The following FHIT variants were observed in gnomAD, a reference collection of about 807,000 sequenced individuals.
FHIT encodes fragile histidine triad diadenosine triphosphatase.
FHIT carries 19 observed loss-of-function variants against 17.9 expected under a neutral mutation model. The ratio of observed to expected loss-of-function variants is 1.06; its 90% confidence interval spans 0.74 to 1.56. The LOEUF (loss-of-function observed/expected upper bound fraction) is 1.56. Ranked by LOEUF, FHIT falls within the 40% of genes most tolerant of loss-of-function variation. The pLI is 0.00. For missense variants in FHIT, 248 were observed against 189.2 expected (o/e 1.31, Z -1.82); for synonymous variants, 81 against 69.7 (o/e 1.16, Z -0.81).
At chr3:60,557,773 T>G (rs561534764) in intron 4 of FHIT, among the ~76,000 whole-genome samples, 1 of 152,194 alleles carries the variant, frequency 6.6e-6, no homozygotes, top group African/African-American at 2.4e-5. Flanking sequence ...CAATCACTAA[T>G]GAAATGCATA....
At chr3:61,022,899 G>A (rs1043536768) in intron 3 of FHIT, among the ~76,000 whole-genome samples, 1 of 152,106 alleles carries the variant, frequency 6.6e-6, no homozygotes, top group African/African-American at 2.4e-5. Context: ...CACCAAATGA[G>A]CAAAAGCTGG....
At chr3:60,922,436 T>A (rs2044611) in intron 3 of FHIT, among the ~76,000 whole-genome samples, 90,775 of 152,012 alleles carry the variant, frequency 0.6, 27,374 homozygotes, top group East Asian at 0.71. Context: ...ACCTTCACAT[T>A]TGTGCCCCTT....
At chr3:59,758,796 T>C (rs1211549486) in intron 8 of FHIT, among the ~76,000 whole-genome samples, 3 of 152,122 alleles carry the variant, frequency 2.0e-5, no homozygotes, top group African/African-American at 7.2e-5. Context: ...TGTGAAAATA[T>C]GGCATTAACA....
intron 4 of FHIT, among the ~76,000 whole-genome samples, chr3:60,664,447 C>T (rs2040334655): frequency 6.6e-6 from 1 of 151,974 alleles, no homozygotes; most frequent in Non-Finnish European, 1.5e-5. Flanking sequence ...CCCCCTTCTT[C>T]CTCTTCCTCC....
intron 5 of FHIT, among the ~76,000 whole-genome samples, chr3:60,380,550 C>G (rs1700755756): frequency 6.6e-6 from 1 of 152,134 alleles, no homozygotes; most frequent in Non-Finnish European, 1.5e-5. Context: ...ACAGTAACTT[C>G]TGAAGGTTGT....
In FHIT at chr3:60,861,094, TATC is replaced by T. The variant is rs1178196003; in HGVS notation, c.-110-39086_-110-39084del. 2.2e-4 allele frequency among the ~76,000 whole-genome samples: 20 copies of T among 92,820 alleles called. 5 individuals carry two copies. The highest frequency in any genetic ancestry group is 3.6e-4 in the Non-Finnish European group (16 of 44,800). The allele number at this position is 92,820 out of a possible 152,430, so 60.9% of individuals were successfully genotyped here. Reference sequence around the variant, plus strand: ...TATGATGTACGTCATATATATCAGATATCATATATACACATATATCCTATATGT... The same window carrying T: ...TATGATGTACGTCATATATATCAGATATATATACACATATATCCTATATGT... On this transcript the variant is annotated intron_variant, in intron 3 of 9. Coordinates refer to ENST00000492590, the MANE Select transcript of FHIT (RefSeq NM_002012.4).
intron 4 of FHIT, among the ~76,000 whole-genome samples, chr3:60,767,034 G>A (rs1553721626): frequency 6.6e-6 from 1 of 152,112 alleles, no homozygotes; most frequent in Non-Finnish European, 1.5e-5. Flanking sequence ...CTTTACTCCA[G>A]CATTTCCCAC....
chr3:60,467,949 C>T (rs528820603), intron 5 of FHIT, among the ~76,000 whole-genome samples: 57 of 151,996 alleles, frequency 3.8e-4, no homozygotes, highest in African/African-American at 1.3e-3. Flanking sequence ...CTAATAATAA[C>T]TTTACATAAC....
intron 7 of FHIT, among the ~76,000 whole-genome samples, chr3:59,987,933 T>G (rs895419917): frequency 6.6e-6 from 1 of 152,094 alleles, no homozygotes; most frequent in African/African-American, 2.4e-5. Context: ...GAAATATATT[T>G]TGAAAAGGGG....
intron 4 of FHIT, among the ~76,000 whole-genome samples, chr3:60,652,147 T>C (rs927053079): frequency 1.3e-5 from 2 of 152,134 alleles, no homozygotes; most frequent in East Asian, 1.9e-4. Context: ...ATGGAAGAGA[T>C]TGGTGGGGCT....
At chr3:59,965,048 G>A (rs1213567001) in intron 7 of FHIT, among the ~76,000 whole-genome samples, 1 of 152,046 alleles carries the variant, frequency 6.6e-6, no homozygotes, top group African/African-American at 2.4e-5. Context: ...AAACACTTGT[G>A]GCCCTCTGCT....
intron 4 of FHIT, among the ~76,000 whole-genome samples, chr3:60,654,698 T>C (rs939144566): frequency 9.2e-5 from 14 of 152,302 alleles, no homozygotes; most frequent in African/African-American, 3.4e-4. Flanking sequence ...CACAATGTCT[T>C]TGAGTATCAC....
intron 3 of FHIT, among the ~76,000 whole-genome samples, chr3:60,856,093 T>C (rs886486868): frequency 6.6e-6 from 1 of 152,236 alleles, no homozygotes; most frequent in Middle Eastern, 3.4e-3. Context: ...AACATGTTAT[T>C]TAGCAAAGAA....
chr3:60,024,856 A>G (rs1700681102), intron 5 of FHIT, among the ~76,000 whole-genome samples: 1 of 152,186 alleles, frequency 6.6e-6, no homozygotes, highest in African/African-American at 2.4e-5. Context: ...AAGCCACTGA[A>G]GCATTTCGGA....
At chr3:60,917,847 A>C (rs1345252413) in intron 3 of FHIT, among the ~76,000 whole-genome samples, 2 of 152,212 alleles carry the variant, frequency 1.3e-5, no homozygotes, top group African/African-American at 4.8e-5. Context: ...CCCTACTAGA[A>C]TGTAACTTCA....
In FHIT at chr3:61,186,549, G is replaced by T. The variant is rs554072695; in HGVS notation, c.-164+14068C>A. Among the ~76,000 whole-genome samples the T allele has an allele frequency of 9.8e-5, 15 of 152,332 alleles. No homozygotes were observed. The East Asian group carries it at 2.9e-3, about 29-fold the overall frequency. ...AGTCTGCAGACAGAAGAGGTGAGAG[G>T]CTATGAGGATCCTGAGACAGTCTCC... On this transcript the variant is annotated intron_variant, in intron 2 of 9. Coordinates refer to ENST00000492590, the MANE Select transcript of FHIT (RefSeq NM_002012.4).
chr3:59,892,610 T>C (rs561011895), intron 8 of FHIT, among the ~76,000 whole-genome samples: 1 of 152,128 alleles, frequency 6.6e-6, no homozygotes, highest in Non-Finnish European at 1.5e-5. Context: ...GATTACAAAG[T>C]AGTATTCCTC....
chr3:60,995,577 C>T (rs2030613861), intron 3 of FHIT, among the ~76,000 whole-genome samples: 1 of 152,102 alleles, frequency 6.6e-6, no homozygotes, highest in Non-Finnish European at 1.5e-5. Context: ...AGACCGTGAC[C>T]TGGATGTTAT....
chr3:59,896,096 G>A (rs1457010824), intron 8 of FHIT, among the ~76,000 whole-genome samples: 1 of 152,124 alleles, frequency 6.6e-6, no homozygotes. Flanking sequence ...TAGATTATGA[G>A]GCACAATCTG....
Sources: gnomAD v4.1 joint callset for allele counts (sites outside exome capture counted in the v4.1 genomes callset) on GRCh38, gnomAD v4.1.1 for gene constraint, MANE v1.5 for transcripts, NCBI Gene and HGNC (gene_info 2026-07-23, HGNC 2026-07-21) for gene names.